The following IL17F variants were observed in gnomAD, a reference collection of about 807,000 sequenced individuals.
IL17F encodes the protein interleukin-17F.
In IL17F, 6 loss-of-function variants were observed where a neutral mutation model predicts 8.3. The observed-to-expected ratio is 0.73, with a 90% CI of 0.40 to 1.43. IL17F has a LOEUF of 1.43. Ranked by LOEUF, IL17F falls within the 40% of genes most tolerant of loss-of-function variation. The pLI, the probability that IL17F is intolerant of heterozygous loss-of-function variation, is 0.02. For missense variants in IL17F, 204 were observed against 209.6 expected, an observed-to-expected ratio of 0.97 and a Z score of 0.17; for synonymous variants, 98 against 81.6, an observed-to-expected ratio of 1.20 and a Z score of -1.08.
chr6:52,237,229 G>C lies in IL17F; in HGVS notation c.255-61C>G, dbSNP rs1280463481. On this transcript the variant is annotated intron_variant, in intron 2 of 2. Coordinates refer to ENST00000336123, the MANE Select transcript of IL17F (RefSeq NM_052872.4). ...CATGGGGGAGGAAGACAGCGAATGA[G>C]AGCCCCACAGCACTGAGTGTTCACC... is the stretch of plus-strand genomic sequence containing the variant. The C allele has an allele frequency of 3.9e-6, 5 of 1,272,016 alleles. No individual in the cohort carries two copies. In the Admixed American group the frequency reaches 7.0e-5, roughly 18 times the overall value. 78.8% of individuals were successfully genotyped at this position (1,272,016 alleles called of 1,614,324 possible).
intron 1 of IL17F, 94 bp downstream of exon 1, chr6:52,244,302 CA>C: frequency 8.2e-7 from 1 of 1,215,632 alleles, no homozygotes; most frequent in Non-Finnish European, 1.2e-6. Context: ...GAAGTAATTC[CA>C]AAAAGACCCC....
At chr6:52,244,865 A>T (rs1049931599), upstream of IL17F, among the ~76,000 whole-genome samples, 2 of 152,222 alleles carry the variant, frequency 1.3e-5, no homozygotes, top group African/African-American at 4.8e-5. Context: ...ACGCAATATG[A>T]ATCGTGATTT....
At chr6:52,239,879 C>CT (rs1764038881) in intron 1 of IL17F, among the ~76,000 whole-genome samples, 2 of 152,192 alleles carry the variant, frequency 1.3e-5, no homozygotes, top group Admixed American at 1.3e-4. Context: ...AACCGGGGCA[C>CT]TAATGATGCA....
At chr6:52,243,164 G>A (rs1178369431) in intron 1 of IL17F, among the ~76,000 whole-genome samples, 1 of 152,118 alleles carries the variant, frequency 6.6e-6, no homozygotes, top group East Asian at 1.9e-4. Flanking sequence ...ACATACCATT[G>A]CTATATGCCA....
intron 1 of IL17F, among the ~76,000 whole-genome samples, chr6:52,242,215 G>A (rs1764087071): frequency 6.6e-6 from 1 of 152,178 alleles, no homozygotes; most frequent in Non-Finnish European, 1.5e-5. Context: ...GGGGACAGGG[G>A]CAAGGGAAAG....
rs1348748674 is a variant in IL17F at position 52,238,795 on chromosome 6, A to G, written c.189T>C (p.Asn63=). The G allele has an allele frequency of 5.0e-6, 8 of 1,614,212 alleles. No individual in the cohort carries two copies. Among genetic ancestry groups the G allele is most frequent in the Non-Finnish European group, 6.8e-6 (8 of 1,180,026 alleles). The part of the protein sequence containing the change: ...GSMKLDIGII[N]ENQRVSMSRN... ...GTGACATGGAAACGCGCTGGTTTTC[A>G]TTGATGATGCCAATGTCAAGCTTCA... The change falls in exon 2 of 3, where the codon AAT becomes AAC. Residue 63 remains asparagine (N), a synonymous_variant. Coordinates refer to ENST00000336123, the MANE Select transcript of IL17F (RefSeq NM_052872.4).
intron 1 of IL17F, 105 bp from the exon 2 acceptor site, chr6:52,239,055 G>A (rs1442705459): frequency 9.8e-7 from 1 of 1,016,738 alleles, no homozygotes; most frequent in Non-Finnish European, 1.5e-6. Context: ...TATGGGATCA[G>A]GGCTTCTCTT....
upstream of IL17F, chr6:52,244,666 GGAT>G (rs1378408291): frequency 8.9e-6 from 5 of 559,148 alleles, no homozygotes; most frequent in East Asian, 1.5e-4. Context: ...CTAAAGAAAG[GGAT>G]GACAGGAAAA....
chr6:52,236,721 T>C lies in IL17F; in HGVS notation c.*210A>G. 1.7e-6 allele frequency: 1 copy of C among 576,984 alleles called. No homozygotes were observed. The highest frequency in any genetic ancestry group is 3.1e-6 in the Non-Finnish European group (1 of 323,656). The allele number at this position is 576,984 out of a possible 1,614,324, so 35.7% of individuals were successfully genotyped here. A position where few individuals can be genotyped will look rare whatever the true frequency, so the allele number is the denominator to read the frequency against. ...TACTTTATTATATTAGCACTGAATATATTAATTTTTCTCCTAACATTTTAG... is the reference window on the plus strand; with the variant it reads ...TACTTTATTATATTAGCACTGAATACATTAATTTTTCTCCTAACATTTTAG... On this transcript the variant is annotated 3_prime_UTR_variant, in exon 3 of 3. Transcript: ENST00000336123.
At chr6:52,238,213 A>AT (rs1278905967) in intron 2 of IL17F, among the ~76,000 whole-genome samples, 13 of 152,220 alleles carry the variant, frequency 8.5e-5, no homozygotes, top group Non-Finnish European at 1.9e-4. Flanking sequence ...TTTGGAGAGT[A>AT]TGAGGGAGTG....
upstream of IL17F, chr6:52,244,611 T>G (rs77500510): frequency 8.3e-5 from 9 of 108,670 alleles, no homozygotes; most frequent in Non-Finnish European, 1.4e-4. Context: ...AATGCAGGGG[T>G]TTTTTTTTTT....
At position 52,236,697 on chromosome 6, in the gene IL17F, A is replaced by G. The variant is rs1763965953; in HGVS notation, c.*234T>C. The G allele has an allele frequency of 1.8e-5, 9 of 499,558 alleles. No individual in the cohort carries two copies. The highest frequency in any genetic ancestry group is 3.2e-5 in the Non-Finnish European group (9 of 278,636). The allele number at this position is 499,558 out of a possible 1,614,324, so 30.9% of individuals were successfully genotyped here. On this transcript the variant is annotated 3_prime_UTR_variant, in exon 3 of 3. Coordinates refer to ENST00000336123, the MANE Select transcript of IL17F (RefSeq NM_052872.4). The stretch of plus-strand genomic sequence containing the variant: ...CCTGAAGTATTTTTAAATTATTAAT[A>G]CTTTATTATATTAGCACTGAATATA...
Position 52,238,928 on chromosome 6 carries a change from A to G in IL17F, c.56T>C (p.Ile19Thr), listed in dbSNP as rs1764019189. ...CTCACTCAGAAAGGCAAGCCCCAAT[A>G]TCGACAGCAGCAAGTACTTGACCTG... Reference protein sequence around the residue: ...PAMVKYLLLSILGLAFLSEAA... With the variant: ...PAMVKYLLLSTLGLAFLSEAA... The change falls in exon 2 of 3, where the codon ATA becomes ACA. Residue 19 changes from isoleucine (I) to threonine (T), a missense_variant. By Grantham distance (89) the Ile-to-Thr change is moderately conservative. Transcript: ENST00000336123. The G allele has an allele frequency of 1.9e-6, 3 of 1,613,528 alleles. No homozygotes were observed. The highest frequency in any genetic ancestry group is 2.5e-6 in the Non-Finnish European group (3 of 1,179,872).
chr6:52,240,427 A>G (rs1322908072), intron 1 of IL17F, among the ~76,000 whole-genome samples: 1 of 126,022 alleles, frequency 7.9e-6, no homozygotes, highest in Non-Finnish European at 1.6e-5. Context: ...ACAGTGCGAG[A>G]CTCCTGCTTG....
At chr6:52,240,271 TACTAAAAATATAAAAATTAG>T (rs1764049793) in intron 1 of IL17F, among the ~76,000 whole-genome samples, 3 of 152,078 alleles carry the variant, frequency 2.0e-5, no homozygotes, top group Admixed American at 2.0e-4. Flanking sequence ...ACCTCGTCTC[TACTAAAAATATAAAAATTAG>T]CCAGGCGTGG....
intron 1 of IL17F, 51 bp from the exon 2 acceptor site, chr6:52,239,001 G>T: frequency 6.8e-7 from 1 of 1,473,414 alleles, no homozygotes; most frequent in Non-Finnish European, 9.5e-7. Flanking sequence ...TCACCTACTA[G>T]CAAGAGATGC....
At position 52,238,886 on chromosome 6, in the gene IL17F, AT is replaced by A; in HGVS notation, c.97del (p.Ile33SerfsTer4). 6 of 1,613,908 alleles carry A rather than the reference AT, an allele frequency of 3.7e-6. No homozygotes were observed. Among genetic ancestry groups the A allele is most frequent in the Non-Finnish European group, 4.2e-6 (5 of 1,179,926 alleles). On this transcript the variant is annotated frameshift_variant, in exon 2 of 3. Coordinates refer to ENST00000336123, the MANE Select transcript of IL17F (RefSeq NM_052872.4). LOFTEE classifies it high-confidence loss of function. ...AFLSEAAARK[I>X]PKVGHTFFQK... ...GAAAAAAGTATGTCCTACTTTGGGG[AT>A]TTTCCGAGCTGCCGCCTCACTCAGA...
chr6:52,238,741 G>C lies in IL17F; in HGVS notation c.243C>G (p.Pro81=), dbSNP rs769617558. Reference sequence around the variant, plus strand: ...TCATTTGCACTTACGTGTAATTCCAGGGGGAGGTGGAGCGGCTCTCGATGT... The same window carrying C: ...TCATTTGCACTTACGTGTAATTCCACGGGGAGGTGGAGCGGCTCTCGATGT... ...SRNIESRSTS[P]WNYTVTWDPN... The change falls in exon 2 of 3, where the codon CCC becomes CCG. Residue 81 remains proline (P), a synonymous_variant. Coordinates refer to ENST00000336123, the MANE Select transcript of IL17F (RefSeq NM_052872.4). The C allele has an allele frequency of 1.3e-4, 211 of 1,613,606 alleles. No individual in the cohort carries two copies. Among genetic ancestry groups the C allele is most frequent in the Non-Finnish European group, 1.7e-4 (205 of 1,179,640 alleles).
chr6:52,238,893 G>A lies in IL17F; in HGVS notation c.91C>T (p.Arg31Trp), dbSNP rs377717323. 21 of 1,613,918 alleles carry A rather than the reference G, an allele frequency of 1.3e-5. No homozygotes were observed. The highest frequency in any genetic ancestry group is 4.0e-5 in the African/African-American group (3 of 75,036). ...GTATGTCCTACTTTGGGGATTTTCCGAGCTGCCGCCTCACTCAGAAAGGCA... is the reference window on the plus strand; with the variant it reads ...GTATGTCCTACTTTGGGGATTTTCCAAGCTGCCGCCTCACTCAGAAAGGCA... ...GLAFLSEAAA[R>W]KIPKVGHTFF... The change falls in exon 2 of 3, where the codon CGG becomes TGG. Residue 31 changes from arginine (R) to tryptophan (W), a missense_variant. Coordinates refer to ENST00000336123, the MANE Select transcript of IL17F (RefSeq NM_052872.4).
Sources: allele counts gnomAD v4.1 joint callset (sites outside exome capture counted in the v4.1 genomes callset), GRCh38; gene constraint gnomAD v4.1.1; transcripts MANE v1.5; gene names NCBI Gene and HGNC (gene_info 2026-07-23, HGNC 2026-07-21).